CENPN: variants seen among roughly 807,000 people sequenced by gnomAD.
CENPN encodes interphase centromere complex protein 32.
Under a neutral mutation model 48.6 loss-of-function variants are expected in CENPN, and 36 were observed. The ratio of observed to expected loss-of-function variants is 0.74; its 90% CI spans 0.57 to 0.98. The LOEUF (loss-of-function observed/expected upper bound fraction) is 0.98. Among genes scored for constraint, CENPN ranks in the 50% least tolerant of loss-of-function variants. The pLI is 0.00. For synonymous variants in CENPN, 166 were observed against 135.2 expected (o/e 1.23, Z -1.58); for missense variants, 439 against 399.2 (o/e 1.10, Z -0.85).
rs568669648 is a variant in CENPN, at chr16:81,029,887, G to A, written c.*1236G>A. Among the ~76,000 whole-genome samples the A allele has an allele frequency of 1.3e-5, 2 of 152,234 alleles. No individual in the cohort carries two copies. Among genetic ancestry groups the A allele is most frequent in the Non-Finnish European group, 1.5e-5 (1 of 68,014 alleles). On this transcript the variant is annotated 3_prime_UTR_variant, in exon 11 of 11. Coordinates refer to ENST00000305850, the MANE Select transcript of CENPN (RefSeq NM_001100624.3). ...AGTCTATTCTCATGCTGCTAATAAA[G>A]ATACCTAAGACTGGGTAATTCACAA... is the stretch of plus-strand genomic sequence containing the variant.
chr16:81,017,073 A>C, intron 3 of CENPN: 2 of 326,314 alleles, frequency 6.1e-6, no homozygotes, highest in Non-Finnish European at 1.1e-5. Context: ...AAATGGAATA[A>C]ATGGGCTAAC....
chr16:81,021,541 G>A (rs2151695379), intron 6 of CENPN, among the ~76,000 whole-genome samples: 1 of 152,302 alleles, frequency 6.6e-6, no homozygotes, highest in Admixed American at 6.5e-5. Context: ...GTTGTGACCA[G>A]GCGAGCCCTA....
At chr16:81,009,552 C>A (rs1969654420) in intron 1 of CENPN, among the ~76,000 whole-genome samples, 1 of 152,198 alleles carries the variant, frequency 6.6e-6, no homozygotes, top group Non-Finnish European at 1.5e-5. Context: ...GTTTCATGAT[C>A]CTGATTCTGT....
In CENPN at chr16:81,017,871, G is replaced by C. The variant is rs373357142; in HGVS notation, c.354+37G>C. 1,006 of 1,236,632 alleles carry C rather than the reference G, an allele frequency of 8.1e-4. 4 individuals carry two copies. The highest frequency in any genetic ancestry group is 5.0e-4 in the Non-Finnish European group (430 of 865,310). 76.6% of individuals were successfully genotyped at this position (1,236,632 alleles called of 1,614,324 possible). On this transcript the variant is annotated intron_variant, in intron 5 of 10. Transcript: ENST00000305850. ...ATTCATCTTTTACATAAAATTCAAT[G>C]TCATGACGTCTGTGCACTTAAAATT...
Position 81,029,998 on chromosome 16 carries a change from T to C in CENPN, c.*1347T>C, listed in dbSNP as rs139169172. ...GGAAGGCAAATGAGAAGCAAAGTCATGTCTTACATGGCGGCAGGCAAGAGA... is the reference window on the plus strand; with the variant it reads ...GGAAGGCAAATGAGAAGCAAAGTCACGTCTTACATGGCGGCAGGCAAGAGA... On this transcript the variant is annotated 3_prime_UTR_variant, in exon 11 of 11. Coordinates refer to ENST00000305850, the MANE Select transcript of CENPN (RefSeq NM_001100624.3). 1.4e-4 allele frequency among the ~76,000 whole-genome samples: 22 copies of C among 152,288 alleles called. No homozygotes were observed. The East Asian group carries it at 3.9e-3, about 27-fold the overall frequency.
chr16:81,028,602 C>T lies in CENPN; in HGVS notation c.971C>T (p.Thr324Ile). Residue 324 changes from threonine (T) to isoleucine (I), a missense_variant, in exon 11 of 11, where the codon ACT becomes ATT. Transcript: ENST00000305850. The stretch of plus-strand genomic sequence containing the variant: ...GATGCTCCACTTTCTCCACTGCTCA[C>T]TTGCATACCCAACAAGAGAATGAAT... The part of the protein sequence containing the change: ...IADAPLSPLL[T>I]CIPNKRMNYF... The T allele has an allele frequency of 6.2e-7, 1 of 1,611,282 alleles. No individual in the cohort carries two copies. Among genetic ancestry groups the T allele is most frequent in the Non-Finnish European group, 8.5e-7 (1 of 1,179,320 alleles).
rs138454126 is a variant in CENPN at position 81,022,790 on chromosome 16, A to C, written c.633+92A>C. On this transcript the variant is annotated intron_variant, in intron 7 of 10. Transcript: ENST00000305850. ...CTACTGGGAAAATCTACCTCCGACA[A>C]GAGGAGATCATTTTAGATATTACCG... is the stretch of plus-strand genomic sequence containing the variant. The C allele has an allele frequency of 5.3e-4, 851 of 1,614,024 alleles. 5 individuals are homozygous for C. The East Asian group carries it at 0.014, about 27-fold the overall frequency.
chr16:81,025,725 C>CA (rs199872969), intron 8 of CENPN, among the ~76,000 whole-genome samples: 3,668 of 128,752 alleles, frequency 0.028, 229 homozygotes, highest in African/African-American at 0.11. Context: ...TTTTTTAAGA[C>CA]AGAGTCTCAC....
chr16:81,012,465 C>G (rs1222432247), intron 2 of CENPN, among the ~76,000 whole-genome samples: 2 of 152,168 alleles, frequency 1.3e-5, no homozygotes, highest in African/African-American at 4.8e-5. Context: ...GAGACTCTGT[C>G]TTTCATGTGT....
At chr16:81,022,465 GTT>G (rs1597100468) in intron 6 of CENPN, 130 bp from the exon 7 acceptor site, 14 of 730,640 alleles carry the variant, frequency 1.9e-5, no homozygotes, top group Non-Finnish European at 2.9e-5. Context: ...GCTATCAGAT[GTT>G]TTTCTAGACT....
downstream of CENPN, chr16:81,032,596 C>A: frequency 6.2e-7 from 1 of 1,611,830 alleles, no homozygotes; most frequent in Non-Finnish European, 8.5e-7. Flanking sequence ...CCAAAAGCTG[C>A]TCTGCTATTC....
chr16:81,029,220 A>C lies in CENPN; in HGVS notation c.*569A>C. The C allele has an allele frequency of 1.1e-6, 1 of 919,876 alleles. No individual in the cohort carries two copies. The highest frequency in any genetic ancestry group is 1.2e-4 in the East Asian group (1 of 8,462). The allele number at this position is 919,876 out of a possible 1,614,324, so 57.0% of individuals were successfully genotyped here. A position where few individuals can be genotyped will look rare whatever the true frequency, so the allele number is the denominator to read the frequency against. The stretch of plus-strand genomic sequence containing the variant: ...TTATATAAAATAGTGTTCTTATTGT[A>C]AATATGATACTTCTCATAATCTATT... On this transcript the variant is annotated 3_prime_UTR_variant, in exon 11 of 11. Coordinates refer to ENST00000305850, the MANE Select transcript of CENPN (RefSeq NM_001100624.3).
At chr16:81,024,580 C>T (rs1970375026) in intron 7 of CENPN, 135 bp from the exon 8 acceptor site, 2 of 566,660 alleles carry the variant, frequency 3.5e-6, no homozygotes, top group Non-Finnish European at 6.0e-6. Context: ...TCAGCCAACT[C>T]AGCCAGGATA....
intron 10 of CENPN, 106 bp downstream of exon 10, chr16:81,028,403 C>G (rs1425852079): frequency 3.4e-6 from 5 of 1,487,298 alleles, no homozygotes; most frequent in Non-Finnish European, 4.6e-6. Flanking sequence ...CCCTAGTCTG[C>G]TAGCCCATCC....
In CENPN at chr16:81,028,882, A is replaced by G. The variant is rs1970638404; in HGVS notation, c.*231A>G. 7.9e-7 allele frequency: 1 copy of G among 1,269,014 alleles called. No individual in the cohort carries two copies. The highest frequency in any genetic ancestry group is 9.9e-7 in the Non-Finnish European group (1 of 1,007,420). The allele number at this position is 1,269,014 out of a possible 1,614,324, so 78.6% of individuals were successfully genotyped here. The stretch of plus-strand genomic sequence containing the variant: ...CCGTTGTGGCATTTGAGATGACAGG[A>G]CATATATATATATGGCCCCACACTT... On this transcript the variant is annotated 3_prime_UTR_variant, in exon 11 of 11. Transcript: ENST00000305850.
At position 81,028,209 on chromosome 16, in the gene CENPN, C is replaced by G; in HGVS notation, c.849C>G (p.Ile283Met). Residue 283 changes from isoleucine (I) to methionine (M), a missense_variant, in exon 10 of 11, where the codon ATC becomes ATG. Transcript: ENST00000305850. ...TCAAAAGTGGTTTAAATGGGAGCAT[C>G]TTGGCTGAGAGGGAAGAACCCCTCC... ...TKFKSGLNGS[I>M]LAEREEPLRC... 6.2e-7 allele frequency: 1 copy of G among 1,613,244 alleles called. No homozygotes were observed. The highest frequency in any genetic ancestry group is 8.5e-7 in the Non-Finnish European group (1 of 1,179,194).
chr16:81,024,773 T>G lies in CENPN; in HGVS notation c.692T>G (p.Ile231Arg), dbSNP rs765346324. ...CAGGAAAGAAGCCTTGGACTAGATA[T>G]AAATAGTACGTGTGTGTTAATATGA... ...PLQERSLGLD[I>R]NMDSRIIHEN... Residue 231 changes from isoleucine (I) to arginine (R), a missense_variant, in exon 8 of 11, where the codon ATA becomes AGA. Ile to Arg is a moderately conservative substitution (Grantham distance 97, BLOSUM62 -3). Coordinates refer to ENST00000305850, the MANE Select transcript of CENPN (RefSeq NM_001100624.3). 9 of 1,603,708 alleles carry G rather than the reference T, an allele frequency of 5.6e-6. No homozygotes were observed. In the South Asian group the frequency reaches 8.9e-5, roughly 16 times the overall value.
intron 3 of CENPN, 112 bp from the exon 4 acceptor site, chr16:81,017,214 A>G (rs1969967950): frequency 1.4e-6 from 1 of 726,868 alleles, no homozygotes; most frequent in African/African-American, 1.8e-5. Context: ...TGTATAACTC[A>G]ATTTGTGAAT....
At position 81,017,221 on chromosome 16, in the gene CENPN, G is replaced by A. The variant is rs577268447; in HGVS notation, c.218-105G>A. ...TACAAATCTGTATAACTCAATTTGT[G>A]AATTACTGTTACTTTCCCCAGTTTT... is the stretch of plus-strand genomic sequence containing the variant. On this transcript the variant is annotated intron_variant, in intron 3 of 10. Transcript: ENST00000305850. 5.3e-6 allele frequency: 4 copies of A among 753,110 alleles called. No homozygotes were observed. In the East Asian group the frequency reaches 7.8e-5, roughly 15 times the overall value. 46.7% of individuals were successfully genotyped at this position (753,110 alleles called of 1,614,324 possible).
Sources: gnomAD v4.1 joint callset for allele counts (sites outside exome capture counted in the v4.1 genomes callset) on GRCh38, gnomAD v4.1.1 for gene constraint, MANE v1.5 for transcripts, NCBI Gene and HGNC (gene_info 2026-07-23, HGNC 2026-07-21) for gene names.